The following TRMT11 variants were observed in gnomAD, a reference collection of about 807,000 sequenced individuals.
TRMT11 encodes tRNA (guanine(10)-N(2))-methyltransferase TRMT11.
TRMT11 carries 53 observed loss-of-function variants against 62.8 expected under a neutral mutation model. The ratio of observed to expected loss-of-function variants is 0.84; its 90% CI spans 0.68 to 1.06. TRMT11 has a LOEUF of 1.06. Among genes scored for constraint, TRMT11 ranks in the 50% least tolerant of loss-of-function variants. The pLI, the probability that TRMT11 is intolerant of heterozygous loss-of-function variation, is 0.00. For missense variants in TRMT11, 556 were observed against 553.4 expected, an observed-to-expected ratio of 1.00 and a Z score of -0.05; for synonymous variants, 188 against 190.3, an observed-to-expected ratio of 0.99 and a Z score of 0.10.
chr6:126,232,032 A>C, the TRMT11 span, among the ~76,000 whole-genome samples: 1 of 152,192 alleles, frequency 6.6e-6, no homozygotes, highest in Non-Finnish European at 1.5e-5. Flanking sequence ...AGTAGAAAAA[A>C]GTATATAATC....
chr6:126,059,798 CAGTA>C (rs1354525329), intron 17 of TRMT11, among the ~76,000 whole-genome samples: 1 of 152,124 alleles, frequency 6.6e-6, no homozygotes, highest in African/African-American at 2.4e-5. Context: ...CTCCTCTAGA[CAGTA>C]AGTACGTTTC....
In TRMT11 at chr6:126,116,504, C is replaced by A. The variant is rs1404921631; in HGVS notation, c.*1823+649C>A. Among the ~76,000 whole-genome samples the A allele has an allele frequency of 1.3e-5, 2 of 152,088 alleles. 1 individual carries two copies. The highest frequency in any genetic ancestry group is 2.9e-5 in the Non-Finnish European group (2 of 67,972). ...CCCATAAGCCCACAGTTTGTCCACA[C>A]ATAAGCATATGTGGTTTTGTCCTTA... On this transcript the variant is annotated intron_variant and NMD_transcript_variant, in intron 21 of 22. Coordinates refer to the TRMT11 transcript ENST00000648977.
At chr6:126,148,179 G>A (rs1402068942) in intron 21 of TRMT11, among the ~76,000 whole-genome samples, 1 of 152,056 alleles carries the variant, frequency 6.6e-6, no homozygotes, top group Non-Finnish European at 1.5e-5. Flanking sequence ...TTACCTCTCA[G>A]TTAGTCTGGT....
intron 11 of TRMT11, 27 bp downstream of exon 11, chr6:126,013,128 T>C: frequency 3.8e-6 from 6 of 1,580,308 alleles, no homozygotes. Flanking sequence ...TTATTTTTAA[T>C]TTCATTTTTC....
chr6:126,063,604 G>A (rs1389806151), intron 17 of TRMT11, among the ~76,000 whole-genome samples: 2 of 152,198 alleles, frequency 1.3e-5, no homozygotes, highest in African/African-American at 4.8e-5. Context: ...CGAATCCCCT[G>A]GGGATCTTGT....
At chr6:126,265,785 A>T in the TRMT11 span, among the ~76,000 whole-genome samples, 1 of 152,180 alleles carries the variant, frequency 6.6e-6, no homozygotes, top group Admixed American at 6.5e-5. Flanking sequence ...AATAATATTC[A>T]TCTCTGTATG....
intron 21 of TRMT11, among the ~76,000 whole-genome samples, chr6:126,131,331 A>AACT (rs1777779413): frequency 1.3e-5 from 2 of 152,170 alleles, no homozygotes; most frequent in African/African-American, 4.8e-5. Context: ...CAGAGGAGAT[A>AACT]ACTGATCTGG....
rs540418960 is a variant in TRMT11, at chr6:126,000,821, A to T, written c.679+1208A>T. Among the ~76,000 whole-genome samples, 3 of 151,908 alleles carry T rather than the reference A, an allele frequency of 2.0e-5. No homozygotes were observed. In the East Asian group the frequency reaches 5.8e-4, roughly 29 times the overall value. ...TCTCCATATCACCTACCCTCAGCAT[A>T]CTCTATATTCTTTTCTTCCCCACTC... On this transcript the variant is annotated intron_variant, in intron 7 of 12. Transcript: ENST00000334379.
intron 12 of TRMT11, among the ~76,000 whole-genome samples, chr6:126,026,729 A>G (rs372532207): frequency 6.6e-6 from 1 of 151,372 alleles, no homozygotes; most frequent in East Asian, 2.0e-4. Flanking sequence ...AGTTTTTTTT[A>G]AAGATAGTCT....
At chr6:126,008,296 C>T in intron 7 of TRMT11, 96 bp from the exon 8 acceptor site, 1 of 1,018,032 alleles carries the variant, frequency 9.8e-7, no homozygotes, top group Non-Finnish European at 1.6e-6. Flanking sequence ...GGATACTCTG[C>T]CTGCAGCTAG....
At chr6:126,063,623 A>T (rs1258826117) in intron 17 of TRMT11, among the ~76,000 whole-genome samples, 1 of 152,252 alleles carries the variant, frequency 6.6e-6, no homozygotes, top group East Asian at 1.9e-4. Flanking sequence ...GTGAAATTAC[A>T]GATGGGTCTG....
intron 1 of TRMT11, among the ~76,000 whole-genome samples, chr6:126,183,442 A>T (rs1332096874): frequency 6.6e-6 from 1 of 152,180 alleles, no homozygotes; most frequent in Non-Finnish European, 1.5e-5. Context: ...AAGCCACCTC[A>T]TGGAAAGCGG....
chr6:126,171,675 G>A (rs1778330991), intron 21 of TRMT11, among the ~76,000 whole-genome samples: 1 of 152,060 alleles, frequency 6.6e-6, no homozygotes, highest in African/African-American at 2.4e-5. Flanking sequence ...ATACTTTAAT[G>A]TTGTAGTTTT....
At chr6:126,206,834 G>T (rs1562348711), downstream of TRMT11, among the ~76,000 whole-genome samples, 1 of 152,068 alleles carries the variant, frequency 6.6e-6, no homozygotes, top group Non-Finnish European at 1.5e-5. Flanking sequence ...AAACTGTTTT[G>T]CTTTGGAAAA....
rs545494669 is a variant in TRMT11 at position 126,189,938 on chromosome 6, TTACATATAATATTTTCA to T, written n.144-8835_144-8819del. Among the ~76,000 whole-genome samples the T allele has an allele frequency of 5.3e-3, 810 of 152,218 alleles. 8 individuals are homozygous for T. Among genetic ancestry groups the T allele is most frequent in the African/African-American group, 0.017 (723 of 41,546 alleles). ...TATCATAGTGGTACATATTTTTGGG[TTACATATAATATTTTCA>T]TACATATAATATTTTCATACATATA... On this transcript the variant is annotated intron_variant and non_coding_transcript_variant, in intron 1 of 3. Transcript: ENST00000444229.
chr6:126,083,724 T>C (rs1162792200), intron 17 of TRMT11, among the ~76,000 whole-genome samples: 1 of 152,190 alleles, frequency 6.6e-6, no homozygotes, highest in African/African-American at 2.4e-5. Context: ...ACTAGACTTA[T>C]TCGTCATACA....
At chr6:126,246,660 A>T in the TRMT11 span, among the ~76,000 whole-genome samples, 6 of 152,188 alleles carry the variant, frequency 3.9e-5, no homozygotes, top group African/African-American at 1.2e-4. Context: ...GCCAGCACTA[A>T]TAGGACAAAT....
chr6:126,005,744 T>A (rs1307456846), intron 7 of TRMT11, among the ~76,000 whole-genome samples: 2 of 152,020 alleles, frequency 1.3e-5, no homozygotes, highest in Admixed American at 1.3e-4. Flanking sequence ...TATAAAATTA[T>A]AAATGTCAAA....
intron 21 of TRMT11, among the ~76,000 whole-genome samples, chr6:126,167,362 G>C (rs374331614): frequency 3.3e-5 from 5 of 152,290 alleles, no homozygotes; most frequent in African/African-American, 1.2e-4. Context: ...CCTTGGCTAG[G>C]GGAGGAAGTT....
Sources: allele counts gnomAD v4.1 joint callset (sites outside exome capture counted in the v4.1 genomes callset), GRCh38; gene constraint gnomAD v4.1.1; transcripts MANE v1.5; gene names NCBI Gene and HGNC (gene_info 2026-07-23, HGNC 2026-07-21).